The following SNAPC3 variants were observed in gnomAD, a reference collection of about 807,000 sequenced individuals.
SNAPC3 encodes the protein snRNA-activating protein complex subunit 3.
Under a neutral mutation model 47.7 loss-of-function variants are expected in SNAPC3, and 56 were observed. That is an observed-to-expected ratio of 1.18 (90% CI 0.95 to 1.47). The LOEUF (loss-of-function observed/expected upper bound fraction) is 1.47. Ranked by LOEUF, SNAPC3 falls within the 40% of genes most tolerant of loss-of-function variation. The probability of loss-of-function intolerance (pLI) is 0.00; values close to 1 mark genes in which losing one functional copy is unlikely to be tolerated. For synonymous variants in SNAPC3, 235 were observed against 189.9 expected, an observed-to-expected ratio of 1.24 and a Z score of -1.95; for missense variants, 665 against 511.3, an observed-to-expected ratio of 1.30 and a Z score of -2.90.
Position 15,423,040 on chromosome 9 carries a change from G to T in SNAPC3, c.161G>T (p.Arg54Leu), listed in dbSNP as rs1388361951. 2.6e-6 allele frequency: 4 copies of T among 1,519,174 alleles called. No homozygotes were observed. Among genetic ancestry groups the T allele is most frequent in the Admixed American group, 2.4e-5 (1 of 41,826 alleles). The allele number at this position is 1,519,174 out of a possible 1,614,324, so 94.1% of individuals were successfully genotyped here. ...GCCTTTGGGGAGCTGTGGCGGGGCCGTCTGCGCGGGGCCGGGGACTTGTCG... is the reference window on the plus strand; with the variant it reads ...GCCTTTGGGGAGCTGTGGCGGGGCCTTCTGCGCGGGGCCGGGGACTTGTCG... ...VGAFGELWRG[R>L]LRGAGDLSLR... Residue 54 changes from arginine (R) to leucine (L), a missense_variant, in exon 1 of 9, where the codon CGT becomes CTT. Coordinates refer to ENST00000380821, the MANE Select transcript of SNAPC3 (RefSeq NM_001039697.2).
downstream of SNAPC3, chr9:15,461,985 CA>C (rs2035254655): frequency 3.3e-5 from 5 of 152,146 alleles, no homozygotes; most frequent in South Asian, 1.0e-3. Flanking sequence ...ATGATTTACC[CA>C]ACCCTAAAAT....
intron 5 of SNAPC3, among the ~76,000 whole-genome samples, chr9:15,450,322 T>G (rs1200237676): frequency 1.3e-5 from 2 of 151,950 alleles, no homozygotes; most frequent in Non-Finnish European, 2.9e-5. Flanking sequence ...AATCTGTAAG[T>G]GGGGGAATGA....
At chr9:15,436,780 AT>A (rs938090446) in intron 3 of SNAPC3, among the ~76,000 whole-genome samples, 1 of 142,958 alleles carries the variant, frequency 7.0e-6, no homozygotes, top group Non-Finnish European at 1.5e-5. Flanking sequence ...CATGAATGAG[AT>A]TTCTTTCCAT....
intron 2 of SNAPC3, among the ~76,000 whole-genome samples, chr9:15,428,198 G>T (rs903016706): frequency 6.6e-6 from 1 of 151,694 alleles, no homozygotes; most frequent in African/African-American, 2.4e-5. Flanking sequence ...CATCAAACTG[G>T]GAATCTTGTA....
chr9:15,458,252 ATAT>A (rs945287104), intron 8 of SNAPC3, among the ~76,000 whole-genome samples, 185 bp downstream of exon 8: 18 of 152,176 alleles, frequency 1.2e-4, no homozygotes, highest in African/African-American at 3.6e-4. Flanking sequence ...TAGTCAGGAA[ATAT>A]TATATGTACA....
At chr9:15,449,176 G>A (rs910140892) in intron 5 of SNAPC3, among the ~76,000 whole-genome samples, 20 of 152,224 alleles carry the variant, frequency 1.3e-4, no homozygotes, top group East Asian at 1.9e-4. Context: ...CAAAAAAAAC[G>A]TAAGATGTAA....
chr9:15,450,753 T>C (rs1013253701), intron 5 of SNAPC3, among the ~76,000 whole-genome samples: 1 of 152,200 alleles, frequency 6.6e-6, no homozygotes, highest in South Asian at 2.1e-4. Flanking sequence ...TTTTTGTGAT[T>C]TGATTTTGCA....
At chr9:15,433,115 C>CA (rs2032374696) in intron 2 of SNAPC3, among the ~76,000 whole-genome samples, 3 of 151,918 alleles carry the variant, frequency 2.0e-5, no homozygotes, top group Non-Finnish European at 4.4e-5. Flanking sequence ...CGGTCAAACC[C>CA]AAATTGAAGG....
intron 3 of SNAPC3, among the ~76,000 whole-genome samples, chr9:15,439,750 T>A (rs931714329): frequency 6.6e-6 from 1 of 152,172 alleles, no homozygotes; most frequent in African/African-American, 2.4e-5. Context: ...GCCAGGCTAG[T>A]CTGGAACTCC....
intron 1 of SNAPC3, 150 bp downstream of exon 1, chr9:15,423,343 G>C: frequency 2.6e-6 from 2 of 775,324 alleles, no homozygotes; most frequent in Non-Finnish European, 3.8e-6. Flanking sequence ...ACCCGCTGGA[G>C]CCTTCCTGGG....
chr9:15,422,907 A>T lies in SNAPC3; in HGVS notation c.28A>T (p.Thr10Ser), dbSNP rs769563858. The T allele has an allele frequency of 1.1e-5, 17 of 1,535,478 alleles. No homozygotes were observed. The highest frequency in any genetic ancestry group is 1.5e-5 in the Non-Finnish European group (17 of 1,141,622). MAEGSRGGP[T>S]CSGVGGRQDP... ...GGCTGAAGGAAGCCGAGGTGGCCCTACGTGTAGCGGGGTGGGTGGCAGGCA... is the reference window on the plus strand; with the variant it reads ...GGCTGAAGGAAGCCGAGGTGGCCCTTCGTGTAGCGGGGTGGGTGGCAGGCA... Residue 10 changes from threonine to serine, a missense_variant, in exon 1 of 9, where the codon ACG (threonine) becomes TCG (serine). Thr to Ser is a moderately conservative substitution (Grantham distance 58). Transcript: ENST00000380821.
At chr9:15,465,557 G>GTC, downstream of SNAPC3, 1 of 1,585,786 alleles carries the variant, frequency 6.3e-7, no homozygotes, top group Non-Finnish European at 8.6e-7. Context: ...AGATATTTCA[G>GTC]TCTCTCTCTC....
downstream of SNAPC3, chr9:15,464,444 T>C (rs956040040): frequency 1.5e-5 from 3 of 199,394 alleles, no homozygotes; most frequent in Non-Finnish European, 3.1e-5. Context: ...TACCCTTAAA[T>C]TTTGTAACAT....
intron 1 of SNAPC3, 96 bp from the exon 2 acceptor site, chr9:15,423,813 T>A (rs1447844622): frequency 1.6e-6 from 1 of 612,800 alleles, no homozygotes; most frequent in East Asian, 3.1e-5. Flanking sequence ...TTATCTGACT[T>A]CGTAATTCAG....
chr9:15,437,447 G>A (rs1563843797), intron 3 of SNAPC3, among the ~76,000 whole-genome samples: 2 of 151,746 alleles, frequency 1.3e-5, no homozygotes, highest in Non-Finnish European at 1.5e-5. Context: ...TGGTGAAGAT[G>A]GTCTTGAACT....
chr9:15,423,204 A>G lies in SNAPC3; in HGVS notation c.314+11A>G, dbSNP rs1360947088. 5.7e-6 allele frequency: 9 copies of G among 1,571,294 alleles called. No individual in the cohort carries two copies. Among genetic ancestry groups the G allele is most frequent in the Admixed American group, 3.8e-5 (2 of 52,158 alleles). On this transcript the variant is annotated intron_variant, in intron 1 of 8. Transcript: ENST00000380821. ...GAGGGCGGTGTGCGGGTGAGTGCGG[A>G]GCAAAGGGGCTCTTGCAGCTTGGGG...
At chr9:15,449,537 A>T (rs1158985475) in intron 5 of SNAPC3, among the ~76,000 whole-genome samples, 37 of 36,150 alleles carry the variant, frequency 1.0e-3, no homozygotes, top group East Asian at 3.2e-3. Context: ...TATTATTATT[A>T]TATATATATA....
intron 5 of SNAPC3, among the ~76,000 whole-genome samples, chr9:15,450,695 C>T (rs375963410): frequency 2.6e-5 from 4 of 152,036 alleles, no homozygotes; most frequent in African/African-American, 9.7e-5. Flanking sequence ...AATACTGATC[C>T]CCAAAGATTC....
At chr9:15,431,095 T>G (rs1219069812) in intron 2 of SNAPC3, among the ~76,000 whole-genome samples, 1 of 152,244 alleles carries the variant, frequency 6.6e-6, no homozygotes, top group Admixed American at 6.5e-5. Flanking sequence ...AGCAGGATCC[T>G]GCAGTGCACA....
Sources: allele counts gnomAD v4.1 joint callset (sites outside exome capture counted in the v4.1 genomes callset), GRCh38; gene constraint gnomAD v4.1.1; transcripts MANE v1.5; gene names NCBI Gene and HGNC (gene_info 2026-07-23, HGNC 2026-07-21).